POU6F2: variants seen among roughly 807,000 people sequenced by gnomAD.
POU6F2 encodes the protein POU domain, class 6, transcription factor 2.
Under a neutral mutation model 71.3 loss-of-function variants are expected in POU6F2, and 31 were observed. That is an observed-to-expected ratio of 0.43 (90% confidence interval 0.33 to 0.59). The LOEUF is 0.59. Ranked by LOEUF, POU6F2 falls within the 20% of genes least tolerant of loss-of-function variation. POU6F2 has a pLI of 0.04. For missense variants in POU6F2, 783 were observed against 856.8 expected, an observed-to-expected ratio of 0.91 and a Z score of 1.07; for synonymous variants, 347 against 355.7, an observed-to-expected ratio of 0.98 and a Z score of 0.27.
chr7:39,462,121 T>C (rs1445266887), intron 9 of POU6F2, among the ~76,000 whole-genome samples: 1 of 152,244 alleles, frequency 6.6e-6, no homozygotes, highest in Non-Finnish European at 1.5e-5. Flanking sequence ...TGCTGGCTAA[T>C]GTTTAACTCA....
At chr7:38,998,095 T>G (rs551189471) in intron 1 of POU6F2, among the ~76,000 whole-genome samples, 1 of 152,322 alleles carries the variant, frequency 6.6e-6, no homozygotes, top group Admixed American at 6.5e-5. Context: ...ATATGTACAT[T>G]TATTTTCTCC....
chr7:39,196,155 A>G (rs1793783282), intron 2 of POU6F2, among the ~76,000 whole-genome samples: 1 of 152,218 alleles, frequency 6.6e-6, no homozygotes, highest in Non-Finnish European at 1.5e-5. Flanking sequence ...CAGGAGAGAA[A>G]AATCTGTGGT....
Position 39,018,027 on chromosome 7 carries a change from G to A in POU6F2, c.105+39969G>A, listed in dbSNP as rs115393933. ...CTCAAGTCAAATGTAGCAAACTTAC[G>A]GTGATAGCAGGTATCTTTGTTTTCT... On this transcript the variant is annotated intron_variant, in intron 1 of 9. Coordinates refer to ENST00000518318, the MANE Select transcript of POU6F2 (RefSeq NM_001370959.1). Among the ~76,000 whole-genome samples the A allele has an allele frequency of 3.1e-3, 478 of 152,060 alleles. 2 individuals are homozygous for A. Among genetic ancestry groups the A allele is most frequent in the African/African-American group, 0.011 (447 of 41,472 alleles).
intron 1 of POU6F2, among the ~76,000 whole-genome samples, chr7:39,051,660 G>A (rs769533029): frequency 2.0e-5 from 3 of 152,068 alleles, no homozygotes; most frequent in Non-Finnish European, 4.4e-5. Flanking sequence ...TTACTCAGGT[G>A]TAGCTATTCC....
intron 1 of POU6F2, among the ~76,000 whole-genome samples, chr7:39,015,815 T>TATATATTATATATAGATATA (rs1554308073): frequency 5.8e-5 from 4 of 69,368 alleles, no homozygotes; most frequent in Admixed American, 5.4e-4. Context: ...ATTATATAGG[T>TATATATTATATATAGATATA]ATATATTATA....
Position 39,464,356 on chromosome 7 carries a change from G to T in POU6F2, c.1833G>T (p.Met611Ile). ...QKIKPVLERW[M>I]AEAEARHRAG... Reference sequence around the variant, plus strand: ...TCAAGCCGGTGCTTGAGCGGTGGATGGCTGAGGCTGAGGCCCGCCATCGAG... The same window carrying T: ...TCAAGCCGGTGCTTGAGCGGTGGATTGCTGAGGCTGAGGCCCGCCATCGAG... Residue 611 changes from methionine to isoleucine, a missense_variant, in exon 10 of 10, where the codon ATG becomes ATT. Coordinates refer to ENST00000518318, the MANE Select transcript of POU6F2 (RefSeq NM_001370959.1). This position sits in a 1 kb window ranked among gnomAD's most constrained non-coding sequence, Gnocchi z 4.1. The T allele has an allele frequency of 6.2e-7, 1 of 1,614,022 alleles. No homozygotes were observed. Among genetic ancestry groups the T allele is most frequent in the South Asian group, 1.1e-5 (1 of 91,082 alleles).
chr7:39,106,950 T>C (rs1307624231), intron 2 of POU6F2, among the ~76,000 whole-genome samples: 1 of 152,162 alleles, frequency 6.6e-6, no homozygotes, highest in African/African-American at 2.4e-5. Flanking sequence ...GCTCTTTTTG[T>C]GATTTTTGAC....
chr7:39,121,300 C>A (rs1187230154), intron 2 of POU6F2, among the ~76,000 whole-genome samples: 1 of 152,146 alleles, frequency 6.6e-6, no homozygotes, highest in African/African-American at 2.4e-5. Context: ...ATGATTCTTG[C>A]CAAGATGAAA....
chr7:39,415,591 C>A (rs1016422791), intron 6 of POU6F2, among the ~76,000 whole-genome samples: 1 of 152,190 alleles, frequency 6.6e-6, no homozygotes, highest in African/African-American at 2.4e-5. Flanking sequence ...CCAATTAGTG[C>A]CCACTTATGG....
intron 4 of POU6F2, among the ~76,000 whole-genome samples, chr7:39,303,387 T>C (rs1784989554): frequency 6.6e-6 from 1 of 152,184 alleles, no homozygotes; most frequent in Admixed American, 6.5e-5. Context: ...GACCTCGTGA[T>C]CTGCCTGCCT....
At chr7:39,119,791 A>G (rs1792004841) in intron 2 of POU6F2, among the ~76,000 whole-genome samples, 1 of 152,230 alleles carries the variant, frequency 6.6e-6, no homozygotes, top group Admixed American at 6.5e-5. Flanking sequence ...GACCCAAAAT[A>G]AATTAATAGT....
At chr7:39,013,758 A>G (rs1381071181) in intron 1 of POU6F2, among the ~76,000 whole-genome samples, 6 of 152,188 alleles carry the variant, frequency 3.9e-5, no homozygotes, top group Admixed American at 6.5e-5. Context: ...TATAAACACC[A>G]AGGGAGTGGA....
chr7:39,462,255 A>AC (rs1288309644), intron 9 of POU6F2, among the ~76,000 whole-genome samples: 3 of 152,204 alleles, frequency 2.0e-5, no homozygotes, highest in Non-Finnish European at 4.4e-5. Flanking sequence ...GTATAATAGA[A>AC]CATGTCTGAT....
At chr7:39,048,736 G>A (rs550892944) in intron 1 of POU6F2, among the ~76,000 whole-genome samples, 4 of 151,878 alleles carry the variant, frequency 2.6e-5, no homozygotes, top group African/African-American at 9.7e-5. Flanking sequence ...GTAGTTCTAA[G>A]TTCTTTGGGA....
intron 4 of POU6F2, among the ~76,000 whole-genome samples, chr7:39,210,892 A>T (rs1175779521): frequency 6.6e-6 from 1 of 152,196 alleles, no homozygotes; most frequent in African/African-American, 2.4e-5. Flanking sequence ...GGCTGCTATA[A>T]CATAAAAACC....
chr7:39,378,255 G>A (rs780957970), intron 5 of POU6F2, among the ~76,000 whole-genome samples: 3 of 152,092 alleles, frequency 2.0e-5, no homozygotes, highest in East Asian at 1.9e-4. Flanking sequence ...TCTCTTTCTC[G>A]AATTTATTCC....
chr7:39,229,351 C>T (rs892319111), intron 4 of POU6F2, among the ~76,000 whole-genome samples: 5 of 152,180 alleles, frequency 3.3e-5, no homozygotes, highest in African/African-American at 4.8e-5. Flanking sequence ...TTTCCTTTGC[C>T]CTCATTAGCA....
chr7:39,333,520 C>A (rs1011145620), intron 4 of POU6F2, among the ~76,000 whole-genome samples: 1 of 152,048 alleles, frequency 6.6e-6, no homozygotes, highest in Non-Finnish European at 1.5e-5. Flanking sequence ...AGGCAGATCA[C>A]GAGGTCAGGA....
At chr7:39,363,222 A>G (rs1174632833) in intron 5 of POU6F2, among the ~76,000 whole-genome samples, 2 of 152,272 alleles carry the variant, frequency 1.3e-5, no homozygotes, top group East Asian at 1.9e-4. Flanking sequence ...GGAAGAGCTG[A>G]TAGAATTTGC....
Sources: gnomAD v4.1 joint callset for allele counts (sites outside exome capture counted in the v4.1 genomes callset) on GRCh38, gnomAD v4.1.1 for gene constraint, Gnocchi (gnomAD v3.1) non-coding constraint, MANE v1.5 for transcripts, NCBI Gene and HGNC (gene_info 2026-07-23, HGNC 2026-07-21) for gene names.